The following CELF2 variants were observed in gnomAD, a reference collection of about 807,000 sequenced individuals.
CELF2 encodes the protein CUG triplet repeat RNA-binding protein 2.
In CELF2, 8 loss-of-function variants were observed where a neutral mutation model predicts 62.6. The ratio of observed to expected loss-of-function variants is 0.13; its 90% CI spans 0.07 to 0.23. CELF2 has a LOEUF of 0.23. Among genes scored for constraint, CELF2 ranks in the 10% least tolerant of loss-of-function variants. The pLI, the probability that CELF2 is intolerant of heterozygous loss-of-function variation, is 1.00. For synonymous variants in CELF2, 258 were observed against 250.0 expected, an observed-to-expected ratio of 1.03 and a Z score of -0.30; for missense variants, 333 against 671.0, an observed-to-expected ratio of 0.50 and a Z score of 5.56.
At chr10:10,920,342 C>T in intron 2 of CELF2, among the ~76,000 whole-genome samples, 1 of 152,122 alleles carries the variant, frequency 6.6e-6, no homozygotes, top group African/African-American at 2.4e-5. Context: ...AATCGAAAAA[C>T]ATATTGGATT....
chr10:11,192,521 G>T (rs1380571681), intron 2 of CELF2, among the ~76,000 whole-genome samples: 1 of 152,236 alleles, frequency 6.6e-6, no homozygotes, highest in Non-Finnish European at 1.5e-5. Flanking sequence ...CAAGAGCTGG[G>T]TTTCCTGGGA....
At chr10:10,481,610 C>T in the CELF2 span, among the ~76,000 whole-genome samples, 8 of 152,162 alleles carry the variant, frequency 5.3e-5, no homozygotes, top group Non-Finnish European at 7.4e-5. Context: ...AACTAAAAGT[C>T]ACACCAGTAC....
intron 1 of CELF2, among the ~76,000 whole-genome samples, chr10:10,799,092 G>C (rs6602454): frequency 6.6e-6 from 1 of 151,976 alleles, no homozygotes; most frequent in African/African-American, 2.4e-5. Flanking sequence ...CAGCTGACTC[G>C]CTGGAAGGAA....
chr10:10,790,821 A>T, the CELF2 span, among the ~76,000 whole-genome samples: 1 of 152,150 alleles, frequency 6.6e-6, no homozygotes, highest in Non-Finnish European at 1.5e-5. Context: ...GATTCTAAAG[A>T]TGCTTTATTT....
chr10:10,622,887 A>T, the CELF2 span, among the ~76,000 whole-genome samples: 1 of 151,102 alleles, frequency 6.6e-6, no homozygotes, highest in Non-Finnish European at 1.5e-5. Context: ...AGGTCAGGAG[A>T]TCAAGACCAC....
the CELF2 span, among the ~76,000 whole-genome samples, chr10:10,696,699 C>G: frequency 6.6e-6 from 1 of 152,130 alleles, no homozygotes; most frequent in African/African-American, 2.4e-5. Context: ...GGGATATAGT[C>G]TCGTGGTGCG....
Position 10,957,346 on chromosome 10 carries a change from G to A in CELF2, c.89+37347G>A, listed in dbSNP as rs2049014710. 1.3e-5 allele frequency among the ~76,000 whole-genome samples: 2 copies of A among 152,192 alleles called. No homozygotes were observed. The highest frequency in any genetic ancestry group is 4.8e-5 in the African/African-American group (2 of 41,440). ...TTGAATTAACATTCTCTTTGTGCAT[G>A]TGTCTCCTCTGGGATTCATTCGCTC... On this transcript the variant is annotated intron_variant, in intron 2 of 13. Transcript: ENST00000636488. This position sits in a 1 kb window ranked among gnomAD's most constrained non-coding sequence, Gnocchi z 4.1.
chr10:11,220,632 T>C lies in CELF2; in HGVS notation c.354+3125T>C, dbSNP rs980969290. Among the ~76,000 whole-genome samples the C allele has an allele frequency of 1.3e-5, 2 of 152,206 alleles. No homozygotes were observed. Among genetic ancestry groups the C allele is most frequent in the Admixed American group, 6.5e-5 (1 of 15,282 alleles). On this transcript the variant is annotated intron_variant, in intron 3 of 12. Transcript: ENST00000633077. This position sits in a 1 kb window ranked among gnomAD's most constrained non-coding sequence, Gnocchi z 4.4. ...GGTAACCAAAGAAGACGCTCTGTTT[T>C]ACATCCCCTGAAATTCTCAACATAA...
At chr10:10,694,629 A>G in the CELF2 span, among the ~76,000 whole-genome samples, 1 of 151,816 alleles carries the variant, frequency 6.6e-6, no homozygotes. Context: ...GTCTCCCATT[A>G]TGAATGTGTG....
the CELF2 span, among the ~76,000 whole-genome samples, chr10:10,585,626 A>C: frequency 6.6e-6 from 1 of 152,194 alleles, no homozygotes; most frequent in East Asian, 1.9e-4. Flanking sequence ...GAAGAACAAT[A>C]AAGTGTTTTT....
intron 2 of CELF2, among the ~76,000 whole-genome samples, chr10:11,167,960 T>C (rs2067718614): frequency 6.6e-6 from 1 of 152,184 alleles, no homozygotes. Context: ...ACATGGTCCA[T>C]CTGTCTTCAT....
chr10:11,226,668 C>T (rs888847487), intron 3 of CELF2, among the ~76,000 whole-genome samples: 2 of 151,656 alleles, frequency 1.3e-5, no homozygotes, highest in African/African-American at 4.9e-5. Flanking sequence ...ACAGCAGGGG[C>T]ATCGGGGCAC....
the CELF2 span, among the ~76,000 whole-genome samples, chr10:10,638,616 T>C: frequency 6.6e-6 from 1 of 152,220 alleles, no homozygotes; most frequent in African/African-American, 2.4e-5. Context: ...ATTGGTAGCA[T>C]GAAACATCAT....
At chr10:11,019,181 A>G (rs1206262752) in intron 1 of CELF2, among the ~76,000 whole-genome samples, 2 of 152,212 alleles carry the variant, frequency 1.3e-5, no homozygotes, top group African/African-American at 2.4e-5. Flanking sequence ...TATTTCAGGC[A>G]TGTTAGGAAA....
At chr10:10,720,004 C>T in the CELF2 span, among the ~76,000 whole-genome samples, 7 of 152,192 alleles carry the variant, frequency 4.6e-5, no homozygotes, top group Non-Finnish European at 8.8e-5. Context: ...ATCATCATTT[C>T]CTCCTATCTA....
chr10:10,667,312 T>C, the CELF2 span, among the ~76,000 whole-genome samples: 1 of 152,198 alleles, frequency 6.6e-6, no homozygotes, highest in Admixed American at 6.5e-5. Context: ...GTCGATGCTG[T>C]TAAAACGACC....
chr10:10,768,521 A>G, the CELF2 span, among the ~76,000 whole-genome samples: 3 of 150,582 alleles, frequency 2.0e-5, no homozygotes, highest in African/African-American at 7.3e-5. Flanking sequence ...CAGGTTTTAC[A>G]CCTCTGTCAC....
chr10:10,653,701 G>C, the CELF2 span, among the ~76,000 whole-genome samples: 1 of 137,954 alleles, frequency 7.2e-6, no homozygotes, highest in Admixed American at 7.3e-5. Flanking sequence ...CAGAATCTCT[G>C]GGATGCATTC....
the CELF2 span, among the ~76,000 whole-genome samples, chr10:10,587,019 G>C: frequency 3.3e-5 from 5 of 152,134 alleles, no homozygotes; most frequent in Non-Finnish European, 4.4e-5. Flanking sequence ...TGCAAACAAA[G>C]TACAAAACAT....
Sources: gnomAD v4.1 joint callset for allele counts (sites outside exome capture counted in the v4.1 genomes callset) on GRCh38, gnomAD v4.1.1 for gene constraint, Gnocchi (gnomAD v3.1) non-coding constraint, MANE v1.5 for transcripts, NCBI Gene and HGNC (gene_info 2026-07-23, HGNC 2026-07-21) for gene names.